SLC36A1: variants seen among roughly 807,000 people sequenced by gnomAD.
The protein encoded by SLC36A1 is proton-coupled amino acid transporter 1.
In SLC36A1, 30 loss-of-function variants were observed where a neutral mutation model predicts 47.5. The ratio of observed to expected loss-of-function variants is 0.63; its 90% CI spans 0.47 to 0.86. The LOEUF (loss-of-function observed/expected upper bound fraction) is 0.86, where lower values mean the gene tolerates loss of function less well. Among genes scored for constraint, SLC36A1 ranks in the 40% least tolerant of loss-of-function variants. The pLI is 0.00. For missense variants in SLC36A1, 517 were observed against 606.0 expected, an observed-to-expected ratio of 0.85 and a Z score of 1.54; for synonymous variants, 255 against 249.7, an observed-to-expected ratio of 1.02 and a Z score of -0.20.
At chr5:151,514,643 C>T in the SLC36A1 span, among the ~76,000 whole-genome samples, 1 of 152,214 alleles carries the variant, frequency 6.6e-6, no homozygotes, top group Non-Finnish European at 1.5e-5. Context: ...ATCCGTTCTT[C>T]CAGATGACTG....
At chr5:151,447,434 C>G (rs1752994058), upstream of SLC36A1, among the ~76,000 whole-genome samples, 1 of 152,240 alleles carries the variant, frequency 6.6e-6, no homozygotes, top group East Asian at 1.9e-4. Flanking sequence ...TGTTCAGTTC[C>G]TATTCGCAGT....
At chr5:151,545,238 G>A in the SLC36A1 span, 2 of 1,614,154 alleles carry the variant, frequency 1.2e-6, no homozygotes, top group Admixed American at 1.7e-5. Context: ...GCAAGCTTTT[G>A]TCAAGCACTT....
At chr5:151,496,269 C>G (rs1270909005), downstream of SLC36A1, among the ~76,000 whole-genome samples, 1 of 152,196 alleles carries the variant, frequency 6.6e-6, no homozygotes, top group Non-Finnish European at 1.5e-5. Context: ...TGACCTGCTC[C>G]TCCTTGCCTT....
chr5:151,506,622 C>T, the SLC36A1 span, among the ~76,000 whole-genome samples: 51 of 152,304 alleles, frequency 3.3e-4, no homozygotes, highest in Admixed American at 2.6e-4. Flanking sequence ...TGATGGGCCT[C>T]GGTTTCCGTA....
the SLC36A1 span, among the ~76,000 whole-genome samples, chr5:151,374,942 G>A: frequency 1.2e-3 from 177 of 145,340 alleles, no homozygotes; most frequent in African/African-American, 4.2e-3. Flanking sequence ...TCAATTCCTT[G>A]TAAATTCTGG....
At chr5:151,518,569 A>G in the SLC36A1 span, among the ~76,000 whole-genome samples, 9 of 152,160 alleles carry the variant, frequency 5.9e-5, no homozygotes, top group African/African-American at 1.9e-4. Flanking sequence ...TATGAGCAGG[A>G]GTTAATCATT....
the SLC36A1 span, among the ~76,000 whole-genome samples, chr5:151,352,247 C>G: frequency 6.6e-6 from 1 of 152,152 alleles, no homozygotes; most frequent in Admixed American, 6.5e-5. Flanking sequence ...TTGCTTCTCA[C>G]AATTTGTAAT....
At chr5:151,360,581 C>T in the SLC36A1 span, among the ~76,000 whole-genome samples, 1 of 152,114 alleles carries the variant, frequency 6.6e-6, no homozygotes, top group Non-Finnish European at 1.5e-5. Flanking sequence ...CTCAGTGTAA[C>T]TTTACAGAAA....
At chr5:151,356,817 A>G in the SLC36A1 span, among the ~76,000 whole-genome samples, 9 of 152,202 alleles carry the variant, frequency 5.9e-5, no homozygotes, top group Non-Finnish European at 1.2e-4. Flanking sequence ...TCTCAAATTT[A>G]ACTTCAGACC....
At chr5:151,416,001 G>C in the SLC36A1 span, among the ~76,000 whole-genome samples, 1 of 152,190 alleles carries the variant, frequency 6.6e-6, no homozygotes, top group African/African-American at 2.4e-5. Flanking sequence ...CAGCTACTGG[G>C]GAGCTGACGT....
chr5:151,376,919 C>T, the SLC36A1 span, among the ~76,000 whole-genome samples: 6 of 152,172 alleles, frequency 3.9e-5, no homozygotes, highest in African/African-American at 7.2e-5. Context: ...AGGCATGAGC[C>T]GCCGCACCCG....
chr5:151,521,773 C>G, the SLC36A1 span: 2 of 1,614,172 alleles, frequency 1.2e-6, no homozygotes. Flanking sequence ...GGTGAAGGTC[C>G]CATCGCTGAC....
At chr5:151,438,391 C>CTA (rs1379086878) in intron 1 of SLC36A1, among the ~76,000 whole-genome samples, 1 of 144,508 alleles carries the variant, frequency 6.9e-6, no homozygotes, top group East Asian at 2.5e-4. Context: ...CTGTTCTTAA[C>CTA]TAGAGATTAA....
At chr5:151,414,898 A>G in the SLC36A1 span, 1 of 152,224 alleles carries the variant, frequency 6.6e-6, no homozygotes, top group African/African-American at 2.4e-5. Context: ...ACAGCCACAG[A>G]TAGAAGCCTG....
chr5:151,353,474 A>G, the SLC36A1 span, among the ~76,000 whole-genome samples: 3 of 152,166 alleles, frequency 2.0e-5, no homozygotes, highest in East Asian at 1.9e-4. Flanking sequence ...GAGTTCCCAT[A>G]TACCCCCAGC....
chr5:151,386,900 C>A, the SLC36A1 span, among the ~76,000 whole-genome samples: 1 of 152,158 alleles, frequency 6.6e-6, no homozygotes, highest in Non-Finnish European at 1.5e-5. Context: ...TCCAAAGAAC[C>A]TAACCAATGT....
chr5:151,412,506 G>A, the SLC36A1 span: 1 of 144,066 alleles, frequency 6.9e-6, no homozygotes, highest in Non-Finnish European at 1.5e-5. Flanking sequence ...CCTTCTCAAG[G>A]TGACTGCATG....
chr5:151,527,292 G>T, the SLC36A1 span: 1 of 1,610,666 alleles, frequency 6.2e-7, no homozygotes, highest in African/African-American at 1.3e-5. Flanking sequence ...ATTGACATCA[G>T]CCACTTGGAT....
At chr5:151,500,437 G>A in the SLC36A1 span, among the ~76,000 whole-genome samples, 2 of 152,068 alleles carry the variant, frequency 1.3e-5, no homozygotes, top group Non-Finnish European at 2.9e-5. Context: ...GCATGATCTC[G>A]GCTCACTGCA....
Sources: allele counts gnomAD v4.1 joint callset (sites outside exome capture counted in the v4.1 genomes callset), GRCh38; gene constraint gnomAD v4.1.1; transcripts MANE v1.5; gene names NCBI Gene and HGNC (gene_info 2026-07-23, HGNC 2026-07-21).